ADGRE3: variants seen among roughly 807,000 people sequenced by gnomAD.
ADGRE3 encodes EGF-like module receptor 3.
ADGRE3 carries 88 observed loss-of-function variants against 80.1 expected under a neutral mutation model. The ratio of observed to expected loss-of-function variants is 1.10; its 90% CI spans 0.93 to 1.31. The LOEUF (loss-of-function observed/expected upper bound fraction) is 1.31. ADGRE3 is among the 40% of genes most tolerant of loss of function. ADGRE3 has a pLI of 0.00. For synonymous variants in ADGRE3, 281 were observed against 294.8 expected (o/e 0.95, Z 0.48); for missense variants, 715 against 776.5 (o/e 0.92, Z 0.94).
rs117116261 is a variant in ADGRE3, at chr19:14,666,897, C to T, written c.76+1905G>A. Among the ~76,000 whole-genome samples the T allele has an allele frequency of 2.3e-4, 35 of 152,294 alleles. No homozygotes were observed. In the East Asian group the frequency reaches 6.7e-3, roughly 29 times the overall value. On this transcript the variant is annotated intron_variant, in intron 2 of 15. Transcript: ENST00000253673. Reference sequence around the variant, plus strand: ...TTCCAGGACTTAATACCTTACCATACTGAGTATACTGGTTTAAATAGTGTC... The same window carrying T: ...TTCCAGGACTTAATACCTTACCATATTGAGTATACTGGTTTAAATAGTGTC...
At chr19:14,601,147 C>T in the ADGRE3 span, among the ~76,000 whole-genome samples, 1 of 151,856 alleles carries the variant, frequency 6.6e-6, no homozygotes, top group African/African-American at 2.4e-5. Context: ...AGGTGATCCT[C>T]CCACCTCTGC....
chr19:14,609,125 G>A, the ADGRE3 span, among the ~76,000 whole-genome samples: 3 of 152,076 alleles, frequency 2.0e-5, no homozygotes, highest in African/African-American at 7.2e-5. Flanking sequence ...AAGGCTCACA[G>A]GAATGCTTTT....
At chr19:14,625,721 C>A (rs1970721128) in intron 14 of ADGRE3, 122 bp from the exon 15 acceptor site, 2 of 651,134 alleles carry the variant, frequency 3.1e-6, no homozygotes, top group Non-Finnish European at 5.5e-6. Flanking sequence ...AAAACATGGT[C>A]TATTCGTACA....
chr19:14,607,152 AC>A, the ADGRE3 span: 3 of 857,768 alleles, frequency 3.5e-6, no homozygotes, highest in Non-Finnish European at 4.7e-6. Context: ...GTGGGCCCTG[AC>A]CATGGGGAGG....
intron 1 of ADGRE3, among the ~76,000 whole-genome samples, chr19:14,670,412 G>C (rs923654027): frequency 1.3e-5 from 2 of 152,204 alleles, no homozygotes; most frequent in African/African-American, 2.4e-5. Context: ...TTGGTTACAA[G>C]CAAGTTACAA....
At chr19:14,650,114 T>C (rs1425473894) in intron 7 of ADGRE3, among the ~76,000 whole-genome samples, 25 of 118,282 alleles carry the variant, frequency 2.1e-4, no homozygotes, top group Middle Eastern at 6.9e-3. Flanking sequence ...ATCCCTCTCC[T>C]CATCTCTCTC....
At chr19:14,631,800 G>A (rs1415044626) in intron 13 of ADGRE3, among the ~76,000 whole-genome samples, 1 of 152,102 alleles carries the variant, frequency 6.6e-6, no homozygotes, top group Non-Finnish European at 1.5e-5. Context: ...AAAGTGCACA[G>A]AGAAAGCTCT....
intron 8 of ADGRE3, among the ~76,000 whole-genome samples, chr19:14,645,064 C>T (rs1041559218): frequency 2.6e-5 from 4 of 151,994 alleles, no homozygotes; most frequent in Non-Finnish European, 4.4e-5. Context: ...GATCCATAAC[C>T]GCAGCTCTTT....
intron 8 of ADGRE3, among the ~76,000 whole-genome samples, chr19:14,646,829 G>A (rs542172272): frequency 6.6e-6 from 1 of 151,584 alleles, no homozygotes; most frequent in East Asian, 1.9e-4. Context: ...GGAGTGCAGT[G>A]GTGCAATCAT....
intron 1 of ADGRE3, among the ~76,000 whole-genome samples, chr19:14,671,006 G>A (rs2146914841): frequency 6.6e-6 from 1 of 152,320 alleles, no homozygotes; most frequent in African/African-American, 2.4e-5. Context: ...TCTGACTGGA[G>A]CCTCAAAGTC....
chr19:14,647,421 T>C (rs1173990953), intron 7 of ADGRE3, 56 bp from the exon 8 acceptor site: 2 of 1,381,594 alleles, frequency 1.4e-6, no homozygotes, highest in African/African-American at 3.0e-5. Context: ...TTTTTTTTTT[T>C]TTTTTTTTGA....
At chr19:14,631,133 A>G (rs1970870909) in intron 13 of ADGRE3, among the ~76,000 whole-genome samples, 1 of 151,994 alleles carries the variant, frequency 6.6e-6, no homozygotes, top group Non-Finnish European at 1.5e-5. Context: ...CGGCCTCCCA[A>G]AGTGTTGGGA....
At chr19:14,636,240 T>A (rs1280371714) in intron 11 of ADGRE3, among the ~76,000 whole-genome samples, 1 of 147,944 alleles carries the variant, frequency 6.8e-6, no homozygotes, top group East Asian at 2.0e-4. Flanking sequence ...TCTTTTTTTT[T>A]TCAGAGTCTC....
intron 8 of ADGRE3, among the ~76,000 whole-genome samples, chr19:14,644,950 T>G (rs1319556058): frequency 6.6e-6 from 1 of 152,128 alleles, no homozygotes; most frequent in African/African-American, 2.4e-5. Context: ...GGTCTTGAAC[T>G]CCTGGCCTCA....
In ADGRE3 at chr19:14,636,079, TCC is replaced by T. The variant is rs777735462; in HGVS notation, c.1484+2024_1484+2025del. On this transcript the variant is annotated intron_variant, in intron 11 of 15. Coordinates refer to ENST00000253673, the MANE Select transcript of ADGRE3 (RefSeq NM_032571.5). The stretch of plus-strand genomic sequence containing the variant: ...TTCCTTCCTTTCCTTTCCTTTCCTT[TCC>T]CTTTCTTTCTTTCTTTCTTTCTTTC... Among the ~76,000 whole-genome samples, 507 of 96,076 alleles carry T rather than the reference TCC, an allele frequency of 5.3e-3. 11 individuals carry two copies. The highest frequency in any genetic ancestry group is 0.015 in the Middle Eastern group (3 of 202). The allele number at this position is 96,076 out of a possible 152,430, so 63.0% of individuals were successfully genotyped here.
intron 5 of ADGRE3, among the ~76,000 whole-genome samples, chr19:14,657,742 TATA>T (rs377594777): frequency 7.9e-5 from 4 of 50,342 alleles, no homozygotes; most frequent in African/African-American, 3.5e-4. Flanking sequence ...TATATATATA[TATA>T]TTTTTTTGTT....
chr19:14,623,577 A>G (rs887494340), intron 15 of ADGRE3, among the ~76,000 whole-genome samples: 8 of 152,148 alleles, frequency 5.3e-5, no homozygotes, highest in African/African-American at 1.9e-4. Context: ...CCTCCCCCAG[A>G]AAGGTCCCAT....
At chr19:14,603,607 G>A in the ADGRE3 span, among the ~76,000 whole-genome samples, 10 of 151,742 alleles carry the variant, frequency 6.6e-5, no homozygotes, top group South Asian at 8.3e-4. Flanking sequence ...CTATAGTCAC[G>A]TGCCACCACT....
chr19:14,674,504 A>AAAACAAAACAAAC (rs1257250626), intron 1 of ADGRE3, among the ~76,000 whole-genome samples: 1 of 152,094 alleles, frequency 6.6e-6, no homozygotes, highest in Non-Finnish European at 1.5e-5. Context: ...CTCAAAAAAC[A>AAAACAAAACAAAC]AAACAAAACA....
Sources: allele counts gnomAD v4.1 joint callset (sites outside exome capture counted in the v4.1 genomes callset), GRCh38; gene constraint gnomAD v4.1.1; transcripts MANE v1.5; gene names NCBI Gene and HGNC (gene_info 2026-07-23, HGNC 2026-07-21).